The following LMOD1 variants were observed in gnomAD, a reference collection of about 807,000 sequenced individuals.
The protein encoded by LMOD1 is leiomodin 1, also known as leiomodin-1.
Under a neutral mutation model 36.5 loss-of-function variants are expected in LMOD1, and 8 were observed. The observed-to-expected ratio is 0.22, with a 90% CI of 0.13 to 0.40. The LOEUF is 0.40. LMOD1 is among the 10% of genes least tolerant of loss of function. The probability of loss-of-function intolerance (pLI) is 1.00; values close to 1 mark genes in which losing one functional copy is unlikely to be tolerated. For missense variants in LMOD1, 630 were observed against 751.1 expected (o/e 0.84, Z 1.88); for synonymous variants, 284 against 288.7 (o/e 0.98, Z 0.17).
intron 1 of LMOD1, among the ~76,000 whole-genome samples, chr1:201,919,203 TA>T (rs1349097623): frequency 1.3e-5 from 2 of 149,002 alleles, no homozygotes; most frequent in African/African-American, 2.5e-5. Context: ...TGTGTATCTC[TA>T]AAAGACAGAA....
At chr1:201,918,378 A>G (rs1488431656) in intron 1 of LMOD1, among the ~76,000 whole-genome samples, 1 of 152,052 alleles carries the variant, frequency 6.6e-6, no homozygotes, top group African/African-American at 2.4e-5. Context: ...CTCCAGAAAG[A>G]CCTTTCAAAA....
chr1:201,917,132 ACACTG>A (rs1681625761), intron 1 of LMOD1, among the ~76,000 whole-genome samples: 1 of 152,194 alleles, frequency 6.6e-6, no homozygotes. Flanking sequence ...CTGGGCACTT[ACACTG>A]CATGTGTCAC....
intron 1 of LMOD1, among the ~76,000 whole-genome samples, chr1:201,917,828 A>T (rs755034359): frequency 2.6e-5 from 4 of 152,204 alleles, no homozygotes; most frequent in Admixed American, 6.5e-5. Context: ...CAGAAGGAAC[A>T]TACTGTTCTT....
intron 1 of LMOD1, among the ~76,000 whole-genome samples, chr1:201,940,492 G>A (rs1682095714): frequency 6.6e-6 from 1 of 151,822 alleles, no homozygotes; most frequent in Non-Finnish European, 1.5e-5. Flanking sequence ...GCCTAACCAA[G>A]CTCTTATACC....
At chr1:201,912,261 G>A (rs140918394) in intron 1 of LMOD1, among the ~76,000 whole-genome samples, 2 of 152,160 alleles carry the variant, frequency 1.3e-5, no homozygotes, top group East Asian at 1.9e-4. Flanking sequence ...TTGTCCCTTC[G>A]CACAGGCATT....
Position 201,900,591 on chromosome 1 carries a change from G to A in LMOD1, c.422C>T (p.Ala141Val), listed in dbSNP as rs1359152525. ...GGGCTTCTCGCCACTCTTGCCACCA[G>A]CTTCATCTCTGTCTCTAGAGAAGCT... Reference protein sequence around the residue: ...KKSFSRDRDEAGGKSGEKPKE... With the variant: ...KKSFSRDRDEVGGKSGEKPKE... Residue 141 changes from alanine (A) to valine (V), a missense_variant, in exon 2 of 3, where the codon GCT becomes GTT. Physicochemically the swap from Ala to Val is moderately conservative, Grantham distance 64 (BLOSUM62 0). Around this residue, in one of 3 missense-constraint regions of LMOD1, gnomAD observed 405 missense variants for 400.6 expected, o/e 1.01. Transcript: ENST00000367288. 2 of 1,613,764 alleles carry A rather than the reference G, an allele frequency of 1.2e-6. No homozygotes were observed. Among genetic ancestry groups the A allele is most frequent in the East Asian group, 4.5e-5 (2 of 44,862 alleles).
chr1:201,921,487 C>CAAAAA (rs57488982), intron 1 of LMOD1, among the ~76,000 whole-genome samples: 2 of 59,796 alleles, frequency 3.3e-5, no homozygotes, highest in East Asian at 5.8e-4. Flanking sequence ...GACTCCATCT[C>CAAAAA]AAAAAAAAAA....
At position 201,946,296 on chromosome 1, in the gene LMOD1, G is replaced by A. The variant is rs1490825277; in HGVS notation, c.45C>T (p.Pro15=). ...AKYRRQVSED[P]DIDSLLETLS... Reference sequence around the variant, plus strand: ...GGGTCTCCAGCAGGCTGTCGATGTCGGGGTCTTCACTCACCTGCCGGCGAT... The same window carrying A: ...GGGTCTCCAGCAGGCTGTCGATGTCAGGGTCTTCACTCACCTGCCGGCGAT... Residue 15 remains proline, a synonymous_variant, in exon 1 of 3, where the codon CCC becomes CCT. Transcript: ENST00000367288. 5 of 1,613,968 alleles carry A rather than the reference G, an allele frequency of 3.1e-6. No homozygotes were observed. The highest frequency in any genetic ancestry group is 8.5e-7 in the Non-Finnish European group (1 of 1,179,882).
chr1:201,944,736 G>T (rs908029776), intron 1 of LMOD1, among the ~76,000 whole-genome samples: 5 of 151,900 alleles, frequency 3.3e-5, no homozygotes, highest in Admixed American at 6.6e-5. Context: ...GTGGGGCGGG[G>T]GGGGGCGGTA....
At chr1:201,926,933 G>A (rs1438491107) in intron 1 of LMOD1, among the ~76,000 whole-genome samples, 1 of 152,066 alleles carries the variant, frequency 6.6e-6, no homozygotes, top group Non-Finnish European at 1.5e-5. Context: ...CCCCAGCCTG[G>A]GCAACAGAGC....
intron 1 of LMOD1, among the ~76,000 whole-genome samples, chr1:201,909,596 C>G (rs903196376): frequency 6.6e-6 from 1 of 152,180 alleles, no homozygotes; most frequent in Non-Finnish European, 1.5e-5. Context: ...CGCCAGTCCA[C>G]CTGAGAAGTC....
intron 1 of LMOD1, among the ~76,000 whole-genome samples, chr1:201,933,535 A>C (rs960197650): frequency 1.1e-5 from 1 of 94,734 alleles, no homozygotes; most frequent in African/African-American, 3.5e-5. Context: ...CTCTCTCTAT[A>C]TATATAATAC....
chr1:201,914,934 C>G (rs1175499033), intron 1 of LMOD1, among the ~76,000 whole-genome samples: 2 of 152,124 alleles, frequency 1.3e-5, no homozygotes, highest in Non-Finnish European at 2.9e-5. Flanking sequence ...CCAGCCTTCC[C>G]GTATACCCAA....
intron 1 of LMOD1, among the ~76,000 whole-genome samples, chr1:201,941,174 C>T (rs1298771955): frequency 6.6e-6 from 1 of 151,774 alleles, no homozygotes; most frequent in African/African-American, 2.4e-5. Context: ...CCAGGCTAGT[C>T]TCGAGCTCCT....
chr1:201,900,869 T>A, intron 1 of LMOD1, 118 bp from the exon 2 acceptor site: 1 of 883,132 alleles, frequency 1.1e-6, no homozygotes, highest in Admixed American at 2.9e-5. Context: ...GAAGGACAGT[T>A]GTGCTGTTTG....
rs150702882 is a variant in LMOD1, at chr1:201,935,375, T to C, written c.261+10705A>G. 2.3e-3 allele frequency among the ~76,000 whole-genome samples: 336 copies of C among 145,954 alleles called. 1 individual carries two copies. Among genetic ancestry groups the C allele is most frequent in the African/African-American group, 8.1e-3 (325 of 39,946 alleles). On this transcript the variant is annotated intron_variant, in intron 1 of 2. Transcript: ENST00000367288. Reference sequence around the variant, plus strand: ...AGTGCAACCCCTGTCAACCCAACATTTCCCCTTGGGGGTCTACTAAGCACA... The same window carrying C: ...AGTGCAACCCCTGTCAACCCAACATCTCCCCTTGGGGGTCTACTAAGCACA...
Position 201,897,088 on chromosome 1 carries a change from A to T in LMOD1, c.*1284T>A, listed in dbSNP as rs940837092. On this transcript the variant is annotated 3_prime_UTR_variant, in exon 3 of 3. Coordinates refer to ENST00000367288, the MANE Select transcript of LMOD1 (RefSeq NM_012134.3). ...CGATGGTGGGCATGGCAGCATTGTC[A>T]GCATTCCTGCAGTTGGGGCAGGAAG... 5 of 266,492 alleles carry T rather than the reference A, an allele frequency of 1.9e-5. No homozygotes were observed. Among genetic ancestry groups the T allele is most frequent in the Non-Finnish European group, 3.8e-5 (5 of 133,040 alleles). The allele number at this position is 266,492 out of a possible 1,614,324, so 16.5% of individuals were successfully genotyped here.
At chr1:201,943,794 C>T (rs1682158840) in intron 1 of LMOD1, among the ~76,000 whole-genome samples, 1 of 152,180 alleles carries the variant, frequency 6.6e-6, no homozygotes, top group Non-Finnish European at 1.5e-5. Flanking sequence ...GTGTTCACAA[C>T]CCTGTGAGAT....
chr1:201,942,895 A>C (rs967684890), intron 1 of LMOD1, among the ~76,000 whole-genome samples: 3 of 152,164 alleles, frequency 2.0e-5, no homozygotes, highest in Non-Finnish European at 4.4e-5. Context: ...TTTATGTCTA[A>C]AAGAAAAGAA....
Sources: allele counts gnomAD v4.1 joint callset (sites outside exome capture counted in the v4.1 genomes callset), GRCh38; gene constraint gnomAD v4.1.1; regional missense constraint gnomAD v4.1.1; transcripts MANE v1.5; gene names NCBI Gene and HGNC (gene_info 2026-07-23, HGNC 2026-07-21).